The following CNTN6 variants were observed in gnomAD, a reference collection of about 807,000 sequenced individuals.
CNTN6 encodes the protein contactin 6.
A neutral mutation model predicts 122.8 loss-of-function variants in CNTN6; 137 were observed. That is an observed-to-expected ratio of 1.12 (90% CI 0.97 to 1.29). The LOEUF is 1.29. Among genes scored for constraint, CNTN6 ranks in the 50% most tolerant of loss-of-function variants. The pLI is 0.00. For synonymous variants in CNTN6, 570 were observed against 426.0 expected (o/e 1.34, Z -4.16); for missense variants, 1,634 against 1,223.4 (o/e 1.34, Z -5.01).
chr3:1,146,377 T>A (rs2092723126), intron 1 of CNTN6, among the ~76,000 whole-genome samples: 1 of 152,094 alleles, frequency 6.6e-6, no homozygotes, highest in Non-Finnish European at 1.5e-5. Flanking sequence ...GTCTCTCTTT[T>A]GTTTAGGAAG....
At chr3:1,377,848 A>G (rs187670937) in intron 17 of CNTN6, among the ~76,000 whole-genome samples, 120 of 152,286 alleles carry the variant, frequency 7.9e-4, no homozygotes, top group Non-Finnish European at 1.4e-3. Flanking sequence ...GATTGCTGGT[A>G]CATTTCTCGT....
At chr3:1,317,000 C>G (rs550630880) in intron 7 of CNTN6, among the ~76,000 whole-genome samples, 2 of 151,778 alleles carry the variant, frequency 1.3e-5, no homozygotes, top group Non-Finnish European at 2.9e-5. Context: ...ATTCTTTCTG[C>G]CTCTGTACCT....
At chr3:1,350,066 A>T (rs961309958) in intron 11 of CNTN6, among the ~76,000 whole-genome samples, 15 of 151,882 alleles carry the variant, frequency 9.9e-5, no homozygotes, top group Non-Finnish European at 1.6e-4. Flanking sequence ...TTTTCATAAG[A>T]TCATAAGTAA....
chr3:1,110,454 A>G (rs929487791), intron 1 of CNTN6, among the ~76,000 whole-genome samples: 11 of 152,084 alleles, frequency 7.2e-5, no homozygotes, highest in African/African-American at 2.7e-4. Flanking sequence ...TGGCTGGAAG[A>G]CATCAATACC....
At chr3:1,291,994 A>T (rs1695407017) in intron 5 of CNTN6, among the ~76,000 whole-genome samples, 1 of 152,164 alleles carries the variant, frequency 6.6e-6, no homozygotes, top group East Asian at 1.9e-4. Context: ...AACCATTCGT[A>T]GAAGCTTAGG....
intron 2 of CNTN6, 41 bp downstream of exon 2, chr3:1,148,104 A>G (rs573048827): frequency 6.7e-7 from 1 of 1,488,776 alleles, no homozygotes; most frequent in Non-Finnish European, 9.3e-7. Context: ...TGATAAATAT[A>G]TTGGCATTGT....
chr3:1,356,001 C>T (rs1200452242), intron 12 of CNTN6, among the ~76,000 whole-genome samples: 1 of 151,724 alleles, frequency 6.6e-6, no homozygotes, highest in Non-Finnish European at 1.5e-5. Context: ...GCAGCTTTTC[C>T]AGCGCCTCAG....
chr3:1,386,630 ATTTACATATTCCTTATATATT>A (rs1692994070), intron 20 of CNTN6, among the ~76,000 whole-genome samples: 1 of 152,076 alleles, frequency 6.6e-6, no homozygotes, highest in Non-Finnish European at 1.5e-5. Flanking sequence ...GTTGAATAAT[ATTTACATATTCCTTATATATT>A]ATTAATGAAC....
Position 1,301,280 on chromosome 3 carries a change from C to T in CNTN6, c.761+3289C>T, listed in dbSNP as rs144210569. On this transcript the variant is annotated intron_variant, in intron 7 of 22. Transcript: ENST00000446702. ...TCTAACTCCTGACCTCCTGCTCCAC[C>T]CATCTTGGCCTCCCAAAGTGCTGGT... Among the ~76,000 whole-genome samples, 759 of 152,132 alleles carry T rather than the reference C, an allele frequency of 5.0e-3. 3 individuals carry two copies. Among genetic ancestry groups the T allele is most frequent in the African/African-American group, 0.017 (692 of 41,502 alleles).
intron 12 of CNTN6, among the ~76,000 whole-genome samples, chr3:1,362,162 A>G (rs1479500184): frequency 2.6e-5 from 4 of 152,122 alleles, no homozygotes; most frequent in Non-Finnish European, 5.9e-5. Context: ...TCAGTTTCGG[A>G]CCAGCTTCTG....
chr3:1,336,235 C>A lies in CNTN6; in HGVS notation c.1364+6300C>A, dbSNP rs150643926. Among the ~76,000 whole-genome samples the A allele has an allele frequency of 1.9e-3, 292 of 151,996 alleles. 2 individuals are homozygous for A. Among genetic ancestry groups the A allele is most frequent in the African/African-American group, 6.7e-3 (276 of 41,466 alleles). On this transcript the variant is annotated intron_variant, in intron 11 of 22. Transcript: ENST00000446702. ...AAGTCTCATTAATAATGATGATAAC[C>A]ACTTTAAGCACCTTCTACATGCTAG... is the stretch of plus-strand genomic sequence containing the variant.
intron 9 of CNTN6, 139 bp from the exon 10 acceptor site, chr3:1,327,318 G>A: frequency 1.1e-6 from 1 of 898,766 alleles, no homozygotes; most frequent in Admixed American, 3.3e-5. Context: ...TAAAAATGCT[G>A]CTCAGAATCT....
intron 2 of CNTN6, among the ~76,000 whole-genome samples, chr3:1,157,017 CTT>C (rs200694885): frequency 2.8e-5 from 4 of 145,344 alleles, no homozygotes; most frequent in Non-Finnish European, 1.5e-5. Context: ...CACCTTGCCT[CTT>C]TTTTTTTTTA....
At position 1,403,445 on chromosome 3, in the gene CNTN6, T is replaced by G. The variant is rs770795253; in HGVS notation, c.*27T>G. On this transcript the variant is annotated 3_prime_UTR_variant, in exon 23 of 23. Transcript: ENST00000446702. ...GAATAAAACCATAAATCTTTGAGAG[T>G]TTTTTGAAAGCAAATCATTCTGTAT... The G allele has an allele frequency of 2.0e-6, 3 of 1,487,474 alleles. No homozygotes were observed. Among genetic ancestry groups the G allele is most frequent in the Admixed American group, 1.7e-5 (1 of 59,402 alleles). The allele number at this position is 1,487,474 out of a possible 1,614,324, so 92.1% of individuals were successfully genotyped here.
At chr3:1,115,256 A>G (rs1476913208) in intron 1 of CNTN6, among the ~76,000 whole-genome samples, 1 of 152,212 alleles carries the variant, frequency 6.6e-6, no homozygotes, top group South Asian at 2.1e-4. Context: ...CCACAAGTCA[A>G]CAAGCCACAA....
chr3:1,339,433 A>G (rs1575767472), intron 11 of CNTN6, among the ~76,000 whole-genome samples: 1 of 152,256 alleles, frequency 6.6e-6, no homozygotes, highest in East Asian at 1.9e-4. Context: ...CTGGGTTTAT[A>G]ACTTGAATGA....
At chr3:1,094,610 A>C (rs1025381585) in intron 1 of CNTN6, among the ~76,000 whole-genome samples, 51 of 152,008 alleles carry the variant, frequency 3.4e-4, no homozygotes, top group African/African-American at 1.2e-3. Context: ...TTTTTTTTAG[A>C]ATTTTTATGT....
chr3:1,352,666 C>T (rs910826527), intron 12 of CNTN6, among the ~76,000 whole-genome samples: 1 of 151,794 alleles, frequency 6.6e-6, no homozygotes, highest in Non-Finnish European at 1.5e-5. Context: ...ATTGAAAATG[C>T]TGTCAGAGTG....
intron 17 of CNTN6, among the ~76,000 whole-genome samples, chr3:1,379,248 C>CCATGACCTA (rs553869017): frequency 1.2e-4 from 18 of 152,242 alleles, no homozygotes; most frequent in Non-Finnish European, 2.1e-4. Context: ...GGTACACAAA[C>CCATGACCTA]CATGACCTAT....
Sources: gnomAD v4.1 joint callset for allele counts (sites outside exome capture counted in the v4.1 genomes callset) on GRCh38, gnomAD v4.1.1 for gene constraint, MANE v1.5 for transcripts, NCBI Gene and HGNC (gene_info 2026-07-23, HGNC 2026-07-21) for gene names.